The following GIN1 variants were observed in gnomAD, a reference collection of about 807,000 sequenced individuals.
GIN1 encodes the protein gypsy retrotransposon integrase 1, also known as gypsy retrotransposon integrase-like protein 1.
Under a neutral mutation model 51.4 loss-of-function variants are expected in GIN1, and 41 were observed. The observed-to-expected ratio is 0.80, with a 90% CI of 0.62 to 1.04. The LOEUF is 1.04. Ranked by LOEUF, GIN1 falls within the 50% of genes least tolerant of loss-of-function variation. The pLI is 0.00. For synonymous variants in GIN1, 222 were observed against 206.5 expected, an observed-to-expected ratio of 1.07 and a Z score of -0.64; for missense variants, 610 against 612.4, an observed-to-expected ratio of 1.00 and a Z score of 0.04.
intron 4 of GIN1, among the ~76,000 whole-genome samples, chr5:103,100,082 G>A (rs1463405090): frequency 1.3e-5 from 2 of 151,716 alleles, no homozygotes; most frequent in Non-Finnish European, 2.9e-5. Flanking sequence ...AAATAGGCCT[G>A]CAAATATTTA....
intron 4 of GIN1, among the ~76,000 whole-genome samples, chr5:103,098,353 T>C (rs368741873): frequency 2.9e-4 from 44 of 152,334 alleles, no homozygotes; most frequent in African/African-American, 1.1e-3. Flanking sequence ...TTTGAGGTAT[T>C]ATTAATTTCA....
intron 7 of GIN1, 44 bp downstream of exon 7, chr5:103,096,497 C>G (rs781925703): frequency 7.4e-7 from 1 of 1,357,672 alleles, no homozygotes; most frequent in Non-Finnish European, 1.0e-6. Context: ...AACTATTCTC[C>G]TTACCTAAAG....
At chr5:103,108,541 A>G in intron 2 of GIN1, 28 bp downstream of exon 2, 1 of 1,498,364 alleles carries the variant, frequency 6.7e-7, no homozygotes, top group Non-Finnish European at 9.2e-7. Flanking sequence ...CTACAACTCA[A>G]TAATCAAAAT....
chr5:103,111,858 A>C (rs1193026705), intron 1 of GIN1, among the ~76,000 whole-genome samples: 1 of 152,108 alleles, frequency 6.6e-6, no homozygotes, highest in Non-Finnish European at 1.5e-5. Flanking sequence ...AAATTTTTCT[A>C]TCTAATGTAA....
At chr5:103,096,320 G>A (rs427430) in intron 7 of GIN1, among the ~76,000 whole-genome samples, 39,123 of 151,766 alleles carry the variant, frequency 0.26, 5,574 homozygotes, top group East Asian at 0.45. Context: ...AGCTTGGGCA[G>A]AAAGAGGGAA....
chr5:103,094,226 T>C (rs1381293848), intron 7 of GIN1, among the ~76,000 whole-genome samples: 1 of 152,092 alleles, frequency 6.6e-6, no homozygotes, highest in Non-Finnish European at 1.5e-5. Flanking sequence ...GTATGTAATA[T>C]TGAGGAAAAA....
In GIN1 at chr5:103,097,502, A is replaced by G. The variant is rs782204346; in HGVS notation, c.832-12T>C. On this transcript the variant is annotated splice_polypyrimidine_tract_variant and intron_variant, in intron 5 of 7. Transcript: ENST00000399004. ...TTTTTAGTAGGTTCCTATTTTAAAG[A>G]AAATAAACGTCAATTTTGTAATAAA... is the stretch of plus-strand genomic sequence containing the variant. The G allele has an allele frequency of 4.6e-6, 7 of 1,511,866 alleles. No homozygotes were observed. The South Asian group carries it at 8.2e-5, about 18-fold the overall frequency. 93.7% of individuals were successfully genotyped at this position (1,511,866 alleles called of 1,614,324 possible). A position where few individuals can be genotyped will look rare whatever the true frequency, so the allele number is the denominator to read the frequency against.
At chr5:103,101,840 G>T (rs565963152) in intron 4 of GIN1, among the ~76,000 whole-genome samples, 1 of 152,162 alleles carries the variant, frequency 6.6e-6, no homozygotes, top group Non-Finnish European at 1.5e-5. Context: ...TCTTATTTTT[G>T]GGATTTAAAA....
intron 4 of GIN1, among the ~76,000 whole-genome samples, chr5:103,098,520 T>C (rs1182869773): frequency 6.6e-6 from 1 of 152,158 alleles, no homozygotes; most frequent in African/African-American, 2.4e-5. Flanking sequence ...TCTTGCTCTG[T>C]CGCACAGGCT....
In GIN1 at chr5:103,104,823, T is replaced by C. The variant is rs782407575; in HGVS notation, c.357A>G (p.Gln119=). ...CTACAATAACTGTATTTTTTGCCAC[T>C]TGGCAATGCTGACAAGCATATACCT... ...KQWVYACQHC[Q]VAKNTVIVAP... is the part of the protein sequence containing the mutation. The change falls in exon 4 of 8, where the codon CAA becomes CAG. Residue 119 remains glutamine, a synonymous_variant. Coordinates refer to ENST00000399004, the MANE Select transcript of GIN1 (RefSeq NM_017676.2). 1.2e-6 allele frequency: 2 copies of C among 1,605,278 alleles called. No homozygotes were observed. The highest frequency in any genetic ancestry group is 1.7e-6 in the Non-Finnish European group (2 of 1,174,412).
At chr5:103,118,378 A>G (rs970230245) in intron 1 of GIN1, among the ~76,000 whole-genome samples, 11 of 152,132 alleles carry the variant, frequency 7.2e-5, no homozygotes, top group Non-Finnish European at 1.5e-4. Flanking sequence ...AAGTATTATC[A>G]TCCATATCAG....
At chr5:103,103,876 G>A (rs573601494) in intron 4 of GIN1, among the ~76,000 whole-genome samples, 18 of 152,074 alleles carry the variant, frequency 1.2e-4, no homozygotes, top group Non-Finnish European at 2.4e-4. Context: ...TGTAACCTCC[G>A]CCTCCCGGGC....
chr5:103,111,875 G>A (rs1182017122), intron 1 of GIN1, among the ~76,000 whole-genome samples: 3 of 152,054 alleles, frequency 2.0e-5, no homozygotes, highest in Non-Finnish European at 4.4e-5. Flanking sequence ...GTAAGATGAA[G>A]TCTTCAGTAT....
chr5:103,096,701 C>T lies in GIN1; in HGVS notation c.1134G>A (p.Trp378Ter), dbSNP rs1471094665. 35 of 1,613,892 alleles carry T rather than the reference C, an allele frequency of 2.2e-5. No homozygotes were observed. The highest frequency in any genetic ancestry group is 2.6e-5 in the Non-Finnish European group (31 of 1,179,944). The change falls in exon 7 of 8, where the codon TGG (tryptophan) becomes TGA (stop). Residue 378 changes from tryptophan to a stop codon, truncating the protein, a stop_gained. Transcript: ENST00000399004. LOFTEE classifies it high-confidence loss of function. ...HEVLRQRKNW[W>*]KDGRFQSEWV... ...ATTCAGACTGAAAACGACCATCCTTCCACCAATTTTTCCTTTGTCTTAAAA... is the reference window on the plus strand; with the variant it reads ...ATTCAGACTGAAAACGACCATCCTTTCACCAATTTTTCCTTTGTCTTAAAA...
intron 3 of GIN1, among the ~76,000 whole-genome samples, chr5:103,105,994 A>G (rs1787713201): frequency 6.6e-6 from 1 of 152,156 alleles, no homozygotes; most frequent in African/African-American, 2.4e-5. Context: ...AATTATACTT[A>G]TGAAATTTTG....
At position 103,116,298 on chromosome 5, in the gene GIN1, C is replaced by T. The variant is rs143268370; in HGVS notation, c.-8+3766G>A. Among the ~76,000 whole-genome samples the T allele has an allele frequency of 6.8e-3, 1,036 of 152,124 alleles. 9 individuals carry two copies. Among genetic ancestry groups the T allele is most frequent in the Non-Finnish European group, 8.5e-3 (574 of 67,926 alleles). ...GGCAAAATGACAGCCTTAAATCTAT[C>T]GAACAGAATAGTGACAGAAATAGCC... On this transcript the variant is annotated intron_variant, in intron 1 of 7. Transcript: ENST00000399004.
chr5:103,091,832 C>T (rs976130282), intron 7 of GIN1, among the ~76,000 whole-genome samples: 2 of 151,952 alleles, frequency 1.3e-5, no homozygotes, highest in Admixed American at 1.3e-4. Context: ...TGAGACCAGC[C>T]TGGCCAACAT....
Position 103,104,856 on chromosome 5 carries a change from G to A in GIN1, c.334-10C>T. ...GCTGACAAGCATATACCTACAACAG[G>A]CACACAATAAAGAAAACACATACAA... On this transcript the variant is annotated splice_polypyrimidine_tract_variant and intron_variant, in intron 3 of 7. Coordinates refer to ENST00000399004, the MANE Select transcript of GIN1 (RefSeq NM_017676.2). The A allele has an allele frequency of 1.3e-6, 2 of 1,520,670 alleles. No individual in the cohort carries two copies. The highest frequency in any genetic ancestry group is 9.0e-7 in the Non-Finnish European group (1 of 1,117,102). The allele number at this position is 1,520,670 out of a possible 1,614,324, so 94.2% of individuals were successfully genotyped here. A position where few individuals can be genotyped will look rare whatever the true frequency, so the allele number is the denominator to read the frequency against.
Position 103,097,132 on chromosome 5 carries a change from C to G in GIN1, c.1008+182G>C, listed in dbSNP as rs116753972. The stretch of plus-strand genomic sequence containing the variant: ...CCATAGCTTTCTCATTATTGCCTCT[C>G]AGCATTTCATAGCTAGTAAACCAAC... On this transcript the variant is annotated intron_variant, in intron 6 of 7. Transcript: ENST00000399004. 3.7e-3 allele frequency among the ~76,000 whole-genome samples: 570 copies of G among 152,298 alleles called. 2 individuals are homozygous for G. The highest frequency in any genetic ancestry group is 0.013 in the African/African-American group (546 of 41,558).
Sources: gnomAD v4.1 joint callset for allele counts (sites outside exome capture counted in the v4.1 genomes callset) on GRCh38, gnomAD v4.1.1 for gene constraint, MANE v1.5 for transcripts, NCBI Gene and HGNC (gene_info 2026-07-23, HGNC 2026-07-21) for gene names.